The following SLC24A4 variants were observed in gnomAD, a reference collection of about 807,000 sequenced individuals.
SLC24A4 encodes sodium/potassium/calcium exchanger 4.
A neutral mutation model predicts 79.0 loss-of-function variants in SLC24A4; 53 were observed. That is an observed-to-expected ratio of 0.67 (90% CI 0.54 to 0.84). The LOEUF (loss-of-function observed/expected upper bound fraction) is 0.84. SLC24A4 is among the 40% of genes least tolerant of loss of function. The pLI is 0.00. For synonymous variants in SLC24A4, 323 were observed against 323.8 expected (o/e 1.00, Z 0.03); for missense variants, 731 against 822.0 (o/e 0.89, Z 1.35).
chr14:92,351,282 G>A (rs954342803), intron 2 of SLC24A4, among the ~76,000 whole-genome samples: 1 of 146,640 alleles, frequency 6.8e-6, no homozygotes, highest in South Asian at 2.2e-4. Flanking sequence ...TGCCTATGCC[G>A]AAAACTCAAT....
chr14:92,488,074 CT>C (rs777031420), intron 14 of SLC24A4, among the ~76,000 whole-genome samples: 180 of 138,776 alleles, frequency 1.3e-3, no homozygotes, highest in South Asian at 2.1e-3. Flanking sequence ...CCTTCTTCCT[CT>C]TTTTTTTTTT....
At chr14:92,325,522 A>G (rs1043088928) in intron 1 of SLC24A4, among the ~76,000 whole-genome samples, 2 of 152,240 alleles carry the variant, frequency 1.3e-5, no homozygotes, top group East Asian at 1.9e-4. Context: ...AAGTTCCTCC[A>G]GGGCAGGGGC....
intron 2 of SLC24A4, among the ~76,000 whole-genome samples, chr14:92,411,951 C>T (rs1466003112): frequency 2.0e-5 from 3 of 151,484 alleles, no homozygotes; most frequent in Admixed American, 1.3e-4. Flanking sequence ...CAAAACAAAA[C>T]AAAAAAACCC....
chr14:92,355,719 C>T lies in SLC24A4; in HGVS notation c.241+29741C>T, dbSNP rs576691651. Among the ~76,000 whole-genome samples, 3 of 152,310 alleles carry T rather than the reference C, an allele frequency of 2.0e-5. No individual in the cohort carries two copies. The East Asian group carries it at 5.8e-4, about 29-fold the overall frequency. Reference sequence around the variant, plus strand: ...TCTGGCTGAGACCCTGTTATCATACCTTGGAGGATCTGCCTGCATTCTGTA... The same window carrying T: ...TCTGGCTGAGACCCTGTTATCATACTTTGGAGGATCTGCCTGCATTCTGTA... On this transcript the variant is annotated intron_variant, in intron 2 of 16. Transcript: ENST00000532405.
intron 14 of SLC24A4, among the ~76,000 whole-genome samples, chr14:92,489,775 G>A (rs528992625): frequency 5.9e-5 from 9 of 152,276 alleles, no homozygotes; most frequent in South Asian, 2.1e-4. Flanking sequence ...TTTGTGCAGA[G>A]CGGGAAGTCC....
intron 2 of SLC24A4, among the ~76,000 whole-genome samples, chr14:92,373,609 A>G (rs1888329240): frequency 6.6e-6 from 1 of 152,150 alleles, no homozygotes; most frequent in Admixed American, 6.5e-5. Context: ...CTCAGGACTG[A>G]GGGGAAAGTT....
chr14:92,342,541 G>A lies in SLC24A4; in HGVS notation c.241+16563G>A, dbSNP rs534426440. Among the ~76,000 whole-genome samples the A allele has an allele frequency of 2.0e-3, 306 of 151,942 alleles. 2 individuals are homozygous for A. Among genetic ancestry groups the A allele is most frequent in the African/African-American group, 6.9e-3 (285 of 41,444 alleles). On this transcript the variant is annotated intron_variant, in intron 2 of 16. Transcript: ENST00000532405. ...TGGGATTACAGGCATGCGCCACCAC[G>A]CCCGGCTAATTTTGTATTTTTAGTA...
chr14:92,423,655 C>G (rs1036139807), intron 2 of SLC24A4, among the ~76,000 whole-genome samples: 3 of 152,158 alleles, frequency 2.0e-5, no homozygotes, highest in Non-Finnish European at 4.4e-5. Flanking sequence ...AATATTTACT[C>G]AGAGTTTACT....
At chr14:92,376,900 A>G (rs1888541861) in intron 2 of SLC24A4, among the ~76,000 whole-genome samples, 1 of 152,120 alleles carries the variant, frequency 6.6e-6, no homozygotes, top group African/African-American at 2.4e-5. Context: ...TAAACATCCC[A>G]CAATGCACAG....
rs190844069 is a variant in SLC24A4, at chr14:92,489,397, C to T, written c.1538-2268C>T. 1.8e-3 allele frequency among the ~76,000 whole-genome samples: 281 copies of T among 152,148 alleles called. 2 individuals carry two copies. The highest frequency in any genetic ancestry group is 6.5e-3 in the African/African-American group (269 of 41,496). On this transcript the variant is annotated intron_variant, in intron 14 of 16. Transcript: ENST00000532405. ...GATGTTACAGTGAACCACTGCACTC[C>T]AGCCTAGGCGACAGAGGGAGACTTC... is the stretch of plus-strand genomic sequence containing the variant.
intron 2 of SLC24A4, among the ~76,000 whole-genome samples, chr14:92,357,701 G>C (rs898703509): frequency 6.6e-6 from 1 of 152,226 alleles, no homozygotes; most frequent in African/African-American, 2.4e-5. Context: ...CGATGGGGGA[G>C]TTATCGTTTA....
At chr14:92,365,535 G>A (rs1040978930) in intron 2 of SLC24A4, among the ~76,000 whole-genome samples, 2 of 152,174 alleles carry the variant, frequency 1.3e-5, no homozygotes, top group African/African-American at 4.8e-5. Context: ...AGGAGCCCCG[G>A]GTGCTGGTCT....
At chr14:92,352,204 G>A (rs77399725) in intron 2 of SLC24A4, among the ~76,000 whole-genome samples, 198 of 152,288 alleles carry the variant, frequency 1.3e-3, no homozygotes, top group African/African-American at 4.5e-3. Context: ...GTGAACAGGT[G>A]TGGGAGGCAA....
At chr14:92,369,250 G>A (rs577626852) in intron 2 of SLC24A4, among the ~76,000 whole-genome samples, 2 of 152,340 alleles carry the variant, frequency 1.3e-5, no homozygotes, top group South Asian at 4.1e-4. Flanking sequence ...GCAACTGGGA[G>A]GCAACTGACT....
In SLC24A4 at chr14:92,375,448, A is replaced by G. The variant is rs546906960; in HGVS notation, c.241+49470A>G. ...ACCATATGACCCAGCAATTCCACTCATAAGTATCTACCACAAAGAATTGAA... is the reference window on the plus strand; with the variant it reads ...ACCATATGACCCAGCAATTCCACTCGTAAGTATCTACCACAAAGAATTGAA... On this transcript the variant is annotated intron_variant, in intron 2 of 16. Transcript: ENST00000532405. Among the ~76,000 whole-genome samples the G allele has an allele frequency of 8.5e-5, 13 of 152,382 alleles. No homozygotes were observed. The South Asian group carries it at 2.5e-3, about 29-fold the overall frequency.
intron 3 of SLC24A4, among the ~76,000 whole-genome samples, chr14:92,436,992 A>G (rs977170899): frequency 6.6e-6 from 1 of 152,204 alleles, no homozygotes; most frequent in African/African-American, 2.4e-5. Flanking sequence ...GGATGCAGCT[A>G]ATGTATCTTC....
rs117658977 is a variant in SLC24A4, at chr14:92,368,669, G to A, written c.241+42691G>A. On this transcript the variant is annotated intron_variant, in intron 2 of 16. Transcript: ENST00000532405. ...TTTGGAAGCTGGAAAGCAGAAGTAT[G>A]GGCAGTAAGTCACCCGGAGACAGCT... Among the ~76,000 whole-genome samples the A allele has an allele frequency of 5.2e-3, 792 of 152,276 alleles. 12 individuals are homozygous for A. The highest frequency in any genetic ancestry group is 0.051 in the Middle Eastern group (15 of 294).
chr14:92,446,347 A>T (rs1397851573), intron 8 of SLC24A4, among the ~76,000 whole-genome samples: 2 of 152,102 alleles, frequency 1.3e-5, no homozygotes, highest in Admixed American at 1.3e-4. Flanking sequence ...GGGTTTCACC[A>T]TGTTGGCCAG....
In SLC24A4 at chr14:92,409,302, C is replaced by A. The variant is rs963888898; in HGVS notation, c.242-24610C>A. Among the ~76,000 whole-genome samples the A allele has an allele frequency of 2.6e-5, 4 of 152,268 alleles. No individual in the cohort carries two copies. In the South Asian group the frequency reaches 6.2e-4, roughly 24 times the overall value. ...GAGGTGTGGAGGGGAGTGTCAGAGCCAAGTCCCAATGACCATGCTTCCTGC... is the reference window on the plus strand; with the variant it reads ...GAGGTGTGGAGGGGAGTGTCAGAGCAAAGTCCCAATGACCATGCTTCCTGC... On this transcript the variant is annotated intron_variant, in intron 2 of 16. Transcript: ENST00000532405.
Sources: gnomAD v4.1 joint callset for allele counts (sites outside exome capture counted in the v4.1 genomes callset) on GRCh38, gnomAD v4.1.1 for gene constraint, MANE v1.5 for transcripts, NCBI Gene and HGNC (gene_info 2026-07-23, HGNC 2026-07-21) for gene names.